Variants in TNIP2 observed in about 807,000 individuals in gnomAD.
TNIP2 encodes TNFAIP3-interacting protein 2.
A neutral mutation model predicts 43.7 loss-of-function variants in TNIP2; 30 were observed. The observed-to-expected ratio is 0.69, with a 90% CI of 0.51 to 0.93. The LOEUF (loss-of-function observed/expected upper bound fraction) is 0.93, where lower values mean the gene tolerates loss of function less well. Among genes scored for constraint, TNIP2 ranks in the 40% least tolerant of loss-of-function variants. TNIP2 has a pLI of 0.00. For synonymous variants in TNIP2, 260 were observed against 254.6 expected (o/e 1.02, Z -0.20); for missense variants, 599 against 591.0 (o/e 1.01, Z -0.14).
intron 1 of TNIP2, 147 bp downstream of exon 1, chr4:2,755,867 C>T: frequency 8.4e-7 from 1 of 1,185,162 alleles, no homozygotes. Flanking sequence ...TCCCCCAACC[C>T]CTCAGGACCC....
chr4:2,756,066 C>A lies in TNIP2; in HGVS notation c.224G>T (p.Arg75Leu). The change falls in exon 1 of 6, where the codon CGG becomes CTG. Residue 75 changes from arginine to leucine, a missense_variant. Coordinates refer to ENST00000315423, the MANE Select transcript of TNIP2 (RefSeq NM_024309.4). ...GCCCTCCTGCCTTCGCAGCTGCTCC[C>A]GGAAGCGCGCAACCTGCTCCAGCAG... The part of the protein sequence containing the change: ...DALLEQVARF[R>L]EQLRRQEGGA... 6.5e-7 allele frequency: 1 copy of A among 1,542,932 alleles called. No homozygotes were observed.
chr4:2,750,458 G>A (rs887602603), intron 1 of TNIP2, among the ~76,000 whole-genome samples: 9 of 151,032 alleles, frequency 6.0e-5, no homozygotes, highest in Admixed American at 4.0e-4. Flanking sequence ...ACAGGGTCTC[G>A]CCCTGACACC....
At chr4:2,755,691 CACCCCCAGGACCCGACGGCCCCTT>C (rs1285830026) in intron 1 of TNIP2, among the ~76,000 whole-genome samples, 4 of 102,238 alleles carry the variant, frequency 3.9e-5, no homozygotes, top group Admixed American at 9.7e-5. Context: ...GTTGCCCTAT[CACCCCCAGGACCCGACGGCCCCTT>C]ACCCCCAGGA....
chr4:2,752,955 C>A (rs1310829423), intron 1 of TNIP2, among the ~76,000 whole-genome samples: 1 of 151,874 alleles, frequency 6.6e-6, no homozygotes, highest in Non-Finnish European at 1.5e-5. Context: ...GTCCTAGACA[C>A]TCGGGAGGCT....
chr4:2,755,914 A>AC lies in TNIP2; in HGVS notation c.276+99dup, dbSNP rs1722227170. 1.7e-5 allele frequency: 23 copies of AC among 1,361,368 alleles called. No individual in the cohort carries two copies. The South Asian group carries it at 3.6e-4, about 21-fold the overall frequency. The allele number at this position is 1,361,368 out of a possible 1,614,324, so 84.3% of individuals were successfully genotyped here. On this transcript the variant is annotated intron_variant, in intron 1 of 5. Coordinates refer to ENST00000315423, the MANE Select transcript of TNIP2 (RefSeq NM_024309.4). The stretch of plus-strand genomic sequence containing the variant: ...AACCCCAGGACCCAGTACCCCCTCA[A>AC]CCCCTCAGGACCCGGGGCCCGCTCG...
At chr4:2,742,671 A>T (rs1721827553) in intron 5 of TNIP2, 151 bp from the exon 6 acceptor site, 1 of 774,376 alleles carries the variant, frequency 1.3e-6, no homozygotes, top group Non-Finnish European at 1.9e-6. Context: ...AGCCCAGACA[A>T]GGGGGCGCTC....
rs148479255 is a variant in TNIP2, at chr4:2,742,405, G to A, written c.1142C>T (p.Ser381Phe). The A allele has an allele frequency of 2.9e-5, 47 of 1,612,002 alleles. No homozygotes were observed. The African/African-American group carries it at 5.9e-4, about 20-fold the overall frequency. Residue 381 changes from serine to phenylalanine, a missense_variant, in exon 6 of 6, where the codon TCC (serine) becomes TTC (phenylalanine). Coordinates refer to ENST00000315423, the MANE Select transcript of TNIP2 (RefSeq NM_024309.4). ...VPGGWRPGTG[S>F]QQPEPPAEGG... ...CTCTGCAGGGGGTTCTGGCTGCTGG[G>A]ACCCAGTCCCAGGCCTCCAGCCACC...
intron 1 of TNIP2, among the ~76,000 whole-genome samples, chr4:2,755,339 G>A (rs1722203301): frequency 6.7e-6 from 1 of 149,550 alleles, no homozygotes; most frequent in Non-Finnish European, 1.5e-5. Flanking sequence ...TCCCACACAC[G>A]AACCTCAAAA....
intron 1 of TNIP2, among the ~76,000 whole-genome samples, chr4:2,754,983 G>GA (rs1287247297): frequency 6.6e-6 from 1 of 152,076 alleles, no homozygotes; most frequent in African/African-American, 2.4e-5. Flanking sequence ...CCTTGCCTCC[G>GA]AAAGTACTGG....
At chr4:2,743,479 A>C (rs1359746818) in intron 5 of TNIP2, among the ~76,000 whole-genome samples, 1 of 152,144 alleles carries the variant, frequency 6.6e-6, no homozygotes, top group African/African-American at 2.4e-5. Context: ...TCTGCTGCAG[A>C]CTTAGTCCCA....
intron 5 of TNIP2, among the ~76,000 whole-genome samples, chr4:2,743,013 C>A (rs2109476783): frequency 6.6e-6 from 1 of 152,270 alleles, no homozygotes; most frequent in Non-Finnish European, 1.5e-5. Context: ...CACCAACCAC[C>A]TGGCATGATC....
intron 3 of TNIP2, 110 bp downstream of exon 3, chr4:2,745,336 C>G: frequency 5.0e-6 from 4 of 807,550 alleles, no homozygotes; most frequent in Non-Finnish European, 8.3e-6. Flanking sequence ...GTATCAAGTC[C>G]TAGTGGCCAG....
In TNIP2 at chr4:2,750,539, G is replaced by A. The variant is rs557998762; in HGVS notation, c.277-2594C>T. On this transcript the variant is annotated intron_variant, in intron 1 of 5. Coordinates refer to ENST00000315423, the MANE Select transcript of TNIP2 (RefSeq NM_024309.4). ...ACTCCTGGGTCCAAGTGTTCCTCCC[G>A]TCTCAACCTCCCAAATAGCTGGGAC... Among the ~76,000 whole-genome samples, 255 of 151,924 alleles carry A rather than the reference G, an allele frequency of 1.7e-3. 2 individuals carry two copies. The highest frequency in any genetic ancestry group is 2.2e-3 in the Non-Finnish European group (150 of 67,962).
At chr4:2,746,472 G>A (rs1020263047) in intron 2 of TNIP2, among the ~76,000 whole-genome samples, 2 of 152,094 alleles carry the variant, frequency 1.3e-5, no homozygotes, top group African/African-American at 4.8e-5. Flanking sequence ...AATCAGACCA[G>A]AACACCCTGC....
chr4:2,747,675 C>A lies in TNIP2; in HGVS notation c.547G>T (p.Gly183Trp). Residue 183 changes from glycine (G) to tryptophan (W), a missense_variant, in exon 2 of 6, where the codon GGG becomes TGG. Coordinates refer to ENST00000315423, the MANE Select transcript of TNIP2 (RefSeq NM_024309.4). Reference protein sequence around the residue: ...DERQHAQRNVGERSPDQSEHT... With the variant: ...DERQHAQRNVWERSPDQSEHT... ...CCTACCTGGTCAGGACTTCTCTCCC[C>A]CACATTCCTTTGTGCATGCTGTCGT... 1 of 1,598,676 alleles carries A rather than the reference C, an allele frequency of 6.3e-7. No homozygotes were observed. Among genetic ancestry groups the A allele is most frequent in the Non-Finnish European group, 8.5e-7 (1 of 1,178,812 alleles).
chr4:2,756,095 G>A lies in TNIP2; in HGVS notation c.195C>T (p.Asp65=). The A allele has an allele frequency of 1.3e-6, 2 of 1,513,828 alleles. No individual in the cohort carries two copies. Among genetic ancestry groups the A allele is most frequent in the South Asian group, 1.2e-5 (1 of 81,262 alleles). 93.8% of individuals were successfully genotyped at this position (1,513,828 alleles called of 1,614,324 possible). A position where few individuals can be genotyped will look rare whatever the true frequency, so the allele number is the denominator to read the frequency against. ...AGCGCGCAACCTGCTCCAGCAGCGC[G>A]TCCACTAGGGACGGCGCGGCGTCCC... ...LEGDAAPSLV[D]ALLEQVARFR... is the part of the protein sequence containing the mutation. Residue 65 remains aspartate (D), a synonymous_variant, in exon 1 of 6, where the codon GAC becomes GAT. Transcript: ENST00000315423.
At chr4:2,745,235 A>C in intron 3 of TNIP2, 1 of 609,508 alleles carries the variant, frequency 1.6e-6, no homozygotes, top group Non-Finnish European at 2.9e-6. Flanking sequence ...TCCTTTACTG[A>C]CTTGTGGATT....
At chr4:2,743,676 A>T (rs1488220432) in intron 5 of TNIP2, among the ~76,000 whole-genome samples, 4 of 152,230 alleles carry the variant, frequency 2.6e-5, no homozygotes, top group African/African-American at 9.6e-5. Context: ...TCGATTCTCA[A>T]GAGGCATCAC....
At chr4:2,747,580 T>C in intron 2 of TNIP2, 75 bp downstream of exon 2, 1 of 1,500,004 alleles carries the variant, frequency 6.7e-7, no homozygotes, top group Non-Finnish European at 9.0e-7. Flanking sequence ...CCCCCACCTC[T>C]GTGATCAGGG....
Sources: allele counts gnomAD v4.1 joint callset (sites outside exome capture counted in the v4.1 genomes callset), GRCh38; gene constraint gnomAD v4.1.1; transcripts MANE v1.5; gene names NCBI Gene and HGNC (gene_info 2026-07-23, HGNC 2026-07-21).